SYT1: variants seen among roughly 807,000 people sequenced by gnomAD.
SYT1 encodes synaptotagmin 1.
In SYT1, 8 loss-of-function variants were observed where a neutral mutation model predicts 44.8. The observed-to-expected ratio is 0.18, with a 90% CI of 0.10 to 0.32. SYT1 has a LOEUF of 0.32. Among genes scored for constraint, SYT1 ranks in the 10% least tolerant of loss-of-function variants. The pLI is 1.00. For missense variants in SYT1, 286 were observed against 509.3 expected, an observed-to-expected ratio of 0.56 and a Z score of 4.22; for synonymous variants, 154 against 188.8, an observed-to-expected ratio of 0.82 and a Z score of 1.51.
intron 3 of SYT1, among the ~76,000 whole-genome samples, chr12:79,144,130 T>C (rs1276431546): frequency 6.6e-6 from 1 of 152,194 alleles, no homozygotes. Context: ...TCATTTAGTT[T>C]ACAATGCATC....
At chr12:79,136,528 T>C (rs1344602224) in intron 3 of SYT1, among the ~76,000 whole-genome samples, 1 of 152,142 alleles carries the variant, frequency 6.6e-6, no homozygotes. Flanking sequence ...TAATCTCCAT[T>C]TTTTTGTACT....
At chr12:79,422,343 T>G (rs1283697858) in intron 9 of SYT1, among the ~76,000 whole-genome samples, 1 of 152,016 alleles carries the variant, frequency 6.6e-6, no homozygotes, top group Non-Finnish European at 1.5e-5. Flanking sequence ...GTTCCTTTCT[T>G]TTAAGGTTGA....
intron 3 of SYT1, among the ~76,000 whole-genome samples, chr12:79,053,586 A>AAATTATTTTATAAT: frequency 6.7e-6 from 1 of 148,894 alleles, no homozygotes; most frequent in East Asian, 1.9e-4. Flanking sequence ...ACTTTAATTA[A>AAATTATTTTATAAT]AATTATTTTA....
intron 8 of SYT1, among the ~76,000 whole-genome samples, chr12:79,320,204 G>T (rs1565907128): frequency 6.6e-6 from 1 of 152,092 alleles, no homozygotes; most frequent in South Asian, 2.1e-4. Context: ...AATGTACTGC[G>T]ATGTGAACTG....
chr12:78,949,447 T>C (rs1189593062), intron 1 of SYT1, among the ~76,000 whole-genome samples: 2 of 151,166 alleles, frequency 1.3e-5, no homozygotes, highest in South Asian at 4.2e-4. Context: ...GTTTAGAAGA[T>C]GTGAGTTCTC....
At chr12:78,912,329 C>A (rs1388709954) in intron 1 of SYT1, among the ~76,000 whole-genome samples, 1 of 151,394 alleles carries the variant, frequency 6.6e-6, no homozygotes, top group East Asian at 1.9e-4. Context: ...GATAAATACA[C>A]TGAAATTGCT....
chr12:79,088,730 CT>C (rs1877558941), intron 3 of SYT1, among the ~76,000 whole-genome samples: 1 of 145,476 alleles, frequency 6.9e-6, no homozygotes, highest in South Asian at 2.2e-4. Flanking sequence ...ATCACAGTGG[CT>C]TTGGGCCTGT....
At chr12:78,986,223 ATC>A (rs1371930177) in intron 2 of SYT1, among the ~76,000 whole-genome samples, 1 of 152,006 alleles carries the variant, frequency 6.6e-6, no homozygotes, top group African/African-American at 2.4e-5. Flanking sequence ...TATAAAAATA[ATC>A]TCTGTGTTCA....
At chr12:79,025,479 TG>T (rs756475429) in intron 2 of SYT1, among the ~76,000 whole-genome samples, 6 of 151,620 alleles carry the variant, frequency 4.0e-5, no homozygotes, top group Non-Finnish European at 8.9e-5. Flanking sequence ...TAGCTTGCTT[TG>T]GGGATATTAT....
In SYT1 at chr12:79,039,919, A is replaced by G. The variant is rs1179364652; in HGVS notation, c.-83-7378A>G. On this transcript the variant is annotated intron_variant, in intron 2 of 10. Coordinates refer to ENST00000261205, the MANE Select transcript of SYT1 (RefSeq NM_005639.3). Reference sequence around the variant, plus strand: ...TAGTTTACTGAGAATGATGATTTCCAATTTCATCCATGTCCCTACAAAGGA... The same window carrying G: ...TAGTTTACTGAGAATGATGATTTCCGATTTCATCCATGTCCCTACAAAGGA... 2.1e-5 allele frequency among the ~76,000 whole-genome samples: 3 copies of G among 144,578 alleles called. No individual in the cohort carries two copies. The East Asian group carries it at 6.2e-4, about 30-fold the overall frequency. 94.8% of individuals were successfully genotyped at this position (144,578 alleles called of 152,430 possible).
chr12:79,331,970 C>T (rs1262583354), intron 8 of SYT1, among the ~76,000 whole-genome samples: 2 of 152,034 alleles, frequency 1.3e-5, no homozygotes, highest in African/African-American at 4.8e-5. Flanking sequence ...AGTTGAAAGC[C>T]AGAATGCCAT....
At chr12:79,392,086 T>C (rs1884679579) in intron 9 of SYT1, among the ~76,000 whole-genome samples, 1 of 152,224 alleles carries the variant, frequency 6.6e-6, no homozygotes, top group Admixed American at 6.5e-5. Context: ...TTATTAATCA[T>C]TGTTTCTCCA....
intron 1 of SYT1, among the ~76,000 whole-genome samples, chr12:78,871,035 C>G (rs1873794362): frequency 6.6e-6 from 1 of 152,060 alleles, no homozygotes; most frequent in African/African-American, 2.4e-5. Context: ...AAAGATGAAG[C>G]TGTTAAACCA....
chr12:78,957,681 A>T (rs1321064838), intron 1 of SYT1, among the ~76,000 whole-genome samples: 1 of 152,154 alleles, frequency 6.6e-6, no homozygotes, highest in African/African-American at 2.4e-5. Context: ...GAACTGAATC[A>T]CTACATGGTT....
intron 3 of SYT1, among the ~76,000 whole-genome samples, chr12:79,116,681 A>T (rs1467682994): frequency 6.6e-6 from 1 of 152,194 alleles, no homozygotes; most frequent in East Asian, 1.9e-4. Context: ...AGCAGACAAC[A>T]ATTTAGCCCT....
intron 4 of SYT1, among the ~76,000 whole-genome samples, chr12:79,238,587 A>G (rs893892863): frequency 6.6e-6 from 1 of 152,222 alleles, no homozygotes; most frequent in Non-Finnish European, 1.5e-5. Context: ...ATTACAGCTC[A>G]TGCACTTAAC....
intron 8 of SYT1, among the ~76,000 whole-genome samples, chr12:79,343,499 A>G (rs1160469962): frequency 3.3e-5 from 5 of 152,226 alleles, no homozygotes; most frequent in Admixed American, 2.6e-4. Context: ...CACAGAAGAG[A>G]AAGTACATTG....
Position 79,450,045 on chromosome 12 carries a change from G to A in SYT1, c.*921G>A, listed in dbSNP as rs767470330. ...TGCCTGACTATTTAAAAAGAAAAAAGTAGCTCTCCATTATCACCTTTATAC... is the reference window on the plus strand; with the variant it reads ...TGCCTGACTATTTAAAAAGAAAAAAATAGCTCTCCATTATCACCTTTATAC... On this transcript the variant is annotated 3_prime_UTR_variant, in exon 11 of 11. Transcript: ENST00000261205. 2 of 151,822 alleles carry A rather than the reference G, an allele frequency of 1.3e-5. No individual in the cohort carries two copies. The highest frequency in any genetic ancestry group is 2.9e-5 in the Non-Finnish European group (2 of 67,972). The allele number at this position is 151,822 out of a possible 1,614,324, so 9.4% of individuals were successfully genotyped here.
At chr12:79,188,008 G>A (rs754960742) in intron 3 of SYT1, among the ~76,000 whole-genome samples, 1 of 151,974 alleles carries the variant, frequency 6.6e-6, no homozygotes, top group South Asian at 2.1e-4. Context: ...AAAGAAACAC[G>A]TCTTTTTAAA....
Sources: gnomAD v4.1 joint callset for allele counts (sites outside exome capture counted in the v4.1 genomes callset) on GRCh38, gnomAD v4.1.1 for gene constraint, MANE v1.5 for transcripts, NCBI Gene and HGNC (gene_info 2026-07-23, HGNC 2026-07-21) for gene names.